The following MSH4 variants were observed in gnomAD, a reference collection of about 807,000 sequenced individuals.
MSH4 encodes the protein mutS homolog 4, also known as mutS protein homolog 4.
A neutral mutation model predicts 113.7 loss-of-function variants in MSH4; 106 were observed. The ratio of observed to expected loss-of-function variants is 0.93; its 90% CI spans 0.80 to 1.10. The LOEUF (loss-of-function observed/expected upper bound fraction) is 1.10. MSH4 is among the 50% of genes least tolerant of loss of function. The pLI, the probability that MSH4 is intolerant of heterozygous loss-of-function variation, is 0.00. For synonymous variants in MSH4, 368 were observed against 380.2 expected (o/e 0.97, Z 0.37); for missense variants, 1,061 against 1,093.7 (o/e 0.97, Z 0.42).
At chr1:75,857,370 A>G (rs931813369) in intron 8 of MSH4, among the ~76,000 whole-genome samples, 1 of 152,154 alleles carries the variant, frequency 6.6e-6, no homozygotes, top group Non-Finnish European at 1.5e-5. Context: ...GCCCATGCCT[A>G]TGTCCTGATG....
At chr1:75,878,736 A>C (rs748855084) in intron 11 of MSH4, among the ~76,000 whole-genome samples, 2 of 151,918 alleles carry the variant, frequency 1.3e-5, no homozygotes, top group Non-Finnish European at 2.9e-5. Context: ...TAGGAGGATC[A>C]CTTGGATCAC....
chr1:75,891,749 A>G (rs5745510), intron 17 of MSH4, among the ~76,000 whole-genome samples: 3,459 of 152,262 alleles, frequency 0.023, 136 homozygotes, highest in Admixed American at 0.1. Flanking sequence ...CGTCATGCCC[A>G]GCTCGTAATG....
intron 17 of MSH4, among the ~76,000 whole-genome samples, chr1:75,892,035 G>A (rs1488991206): frequency 6.6e-6 from 1 of 152,150 alleles, no homozygotes; most frequent in Non-Finnish European, 1.5e-5. Flanking sequence ...GATGAGATTA[G>A]AATTGGTAAA....
At chr1:75,809,803 A>G (rs1424814648) in intron 3 of MSH4, among the ~76,000 whole-genome samples, 1 of 151,892 alleles carries the variant, frequency 6.6e-6, no homozygotes, top group Non-Finnish European at 1.5e-5. Context: ...TGTGCACACC[A>G]CCAAGCCTGG....
chr1:75,831,281 T>G (rs1650683588), intron 7 of MSH4, among the ~76,000 whole-genome samples: 1 of 152,130 alleles, frequency 6.6e-6, no homozygotes, highest in Non-Finnish European at 1.5e-5. Context: ...GCACCCAGAT[T>G]CATAAAGCAA....
chr1:75,896,466 A>G (rs1284816285), intron 17 of MSH4, among the ~76,000 whole-genome samples: 1 of 149,536 alleles, frequency 6.7e-6, no homozygotes, highest in Non-Finnish European at 1.5e-5. Flanking sequence ...TTTTTTTTTG[A>G]GATGGAGTTT....
rs560549914 is a variant in MSH4 at position 75,880,125 on chromosome 1, T to C, written c.1753T>C (p.Leu585=). Residue 585 remains leucine (L), a synonymous_variant, in exon 13 of 20, where the codon TTG becomes CTG. Transcript: ENST00000263187. ...IKMNERCQES[L]REIYHMTYMI... ...AATGAATGAAAGATGCCAAGAATCT[T>C]TGAGAGAAATCTATCACATGACTTA... 5.2e-5 allele frequency: 82 copies of C among 1,583,554 alleles called. No homozygotes were observed. The African/African-American group carries it at 8.6e-4, about 17-fold the overall frequency.
At chr1:75,852,894 T>G (rs1017207670) in intron 8 of MSH4, among the ~76,000 whole-genome samples, 7 of 152,184 alleles carry the variant, frequency 4.6e-5, no homozygotes, top group Admixed American at 1.3e-4. Flanking sequence ...TTCTTCCTTA[T>G]CTCCCATAAA....
intron 4 of MSH4, among the ~76,000 whole-genome samples, 174 bp downstream of exon 4, chr1:75,810,981 C>T (rs978623280): frequency 6.6e-6 from 1 of 152,106 alleles, no homozygotes; most frequent in African/African-American, 2.4e-5. Flanking sequence ...GAGTGATTCT[C>T]CTGCCTCAGC....
intron 8 of MSH4, among the ~76,000 whole-genome samples, chr1:75,858,997 G>T (rs943505221): frequency 6.6e-6 from 1 of 152,106 alleles, no homozygotes; most frequent in East Asian, 1.9e-4. Flanking sequence ...TCTTAGAAAG[G>T]TGTATGTGTC....
At chr1:75,856,336 C>T (rs762506891) in intron 8 of MSH4, among the ~76,000 whole-genome samples, 1 of 152,012 alleles carries the variant, frequency 6.6e-6, no homozygotes, top group Non-Finnish European at 1.5e-5. Context: ...ATGTGCAGAA[C>T]GTGCAGTTTT....
At chr1:75,901,313 C>A (rs1455053102) in intron 19 of MSH4, among the ~76,000 whole-genome samples, 2 of 152,150 alleles carry the variant, frequency 1.3e-5, no homozygotes, top group Admixed American at 6.5e-5. Context: ...TCTCCTTCCT[C>A]CTCCAAACCC....
intron 1 of MSH4, among the ~76,000 whole-genome samples, chr1:75,802,085 C>T (rs1341313519): frequency 6.6e-6 from 1 of 152,150 alleles, no homozygotes; most frequent in African/African-American, 2.4e-5. Context: ...AGGAGGATTG[C>T]TTGAGCCCAG....
In MSH4 at chr1:75,890,830, C is replaced by G; in HGVS notation, c.2355+6C>G. The G allele has an allele frequency of 6.5e-7, 1 of 1,537,428 alleles. No individual in the cohort carries two copies. The highest frequency in any genetic ancestry group is 1.2e-5 in the South Asian group (1 of 85,124). On this transcript the variant is annotated splice_donor_region_variant and intron_variant, in intron 17 of 19. Coordinates refer to ENST00000263187, the MANE Select transcript of MSH4 (RefSeq NM_002440.4). ...AATATCTACTGAGCTTAAAGGTATT[C>G]TTTTATTTTAAGTATATTGATTTTG...
intron 19 of MSH4, among the ~76,000 whole-genome samples, chr1:75,902,665 A>ATGTGTGTG (rs1652529358): frequency 1.5e-5 from 1 of 66,604 alleles, no homozygotes; most frequent in Non-Finnish European, 2.9e-5. Flanking sequence ...GGTGTTATAT[A>ATGTGTGTG]TGTGTATGTA....
intron 7 of MSH4, among the ~76,000 whole-genome samples, chr1:75,833,830 C>G (rs1344305008): frequency 6.6e-6 from 1 of 152,108 alleles, no homozygotes; most frequent in African/African-American, 2.4e-5. Flanking sequence ...CCTTAAGAAC[C>G]CTAGAAGAAA....
In MSH4 at chr1:75,881,258, A is replaced by G. The variant is rs368553449; in HGVS notation, c.1794A>G (p.Lys598=). Residue 598 remains lysine, a synonymous_variant, in exon 14 of 20, where the codon AAA becomes AAG. Coordinates refer to ENST00000263187, the MANE Select transcript of MSH4 (RefSeq NM_002440.4). ...AACGTGTTTTCAGGATAGTGTGCAA[A>G]CTGCTTAGTGAGATTTATGAACATA... ...IYHMTYMIVC[K]LLSEIYEHIH... 3 of 1,604,966 alleles carry G rather than the reference A, an allele frequency of 1.9e-6. No individual in the cohort carries two copies. Among genetic ancestry groups the G allele is most frequent in the Non-Finnish European group, 2.6e-6 (3 of 1,173,800 alleles).
chr1:75,873,262 T>G (rs1433688373), intron 9 of MSH4, among the ~76,000 whole-genome samples: 3 of 152,214 alleles, frequency 2.0e-5, no homozygotes, highest in Non-Finnish European at 2.9e-5. Context: ...ATCTCTTCTG[T>G]TAATCCTCCA....
At chr1:75,906,841 CT>C (rs35554554) in intron 19 of MSH4, among the ~76,000 whole-genome samples, 5,979 of 121,580 alleles carry the variant, frequency 0.049, 132 homozygotes, top group African/African-American at 0.061. Context: ...TTTTTTTTTT[CT>C]TTTTTTTTTG....
Sources: allele counts gnomAD v4.1 joint callset (sites outside exome capture counted in the v4.1 genomes callset), GRCh38; gene constraint gnomAD v4.1.1; transcripts MANE v1.5; gene names NCBI Gene and HGNC (gene_info 2026-07-23, HGNC 2026-07-21).